The following S100Z variants were observed in gnomAD, a reference collection of about 807,000 sequenced individuals.
The protein encoded by S100Z is protein S100-Z.
S100Z carries 11 observed loss-of-function variants against 8.5 expected under a neutral mutation model. The observed-to-expected ratio is 1.30, with a 90% confidence interval of 0.82 to 2.15. The LOEUF (loss-of-function observed/expected upper bound fraction) is 2.15, where lower values mean the gene tolerates loss of function less well. Among genes scored for constraint, S100Z ranks in the 30% most tolerant of loss-of-function variants. The pLI is 0.00. For synonymous variants in S100Z, 34 were observed against 43.8 expected (o/e 0.78, Z 0.89); for missense variants, 126 against 117.9 (o/e 1.07, Z -0.32).
At chr5:76,903,481 G>A (rs1244380044) in intron 4 of S100Z, among the ~76,000 whole-genome samples, 1 of 151,954 alleles carries the variant, frequency 6.6e-6, no homozygotes, top group African/African-American at 2.4e-5. Flanking sequence ...GGTTGTTTCT[G>A]GTTTTGGTTG....
At chr5:76,865,630 GAA>G (rs1751247754) in intron 1 of S100Z, among the ~76,000 whole-genome samples, 1 of 151,708 alleles carries the variant, frequency 6.6e-6, no homozygotes, top group Non-Finnish European at 1.5e-5. Context: ...AAAATATAAA[GAA>G]AAAATTGTAC....
At chr5:76,911,396 G>A (rs1338437545) in intron 4 of S100Z, among the ~76,000 whole-genome samples, 3 of 152,124 alleles carry the variant, frequency 2.0e-5, no homozygotes, top group Non-Finnish European at 4.4e-5. Flanking sequence ...CCAAACACCA[G>A]AGGAAGCAGA....
chr5:76,907,019 T>TATATATAC (rs1744477596), intron 4 of S100Z, among the ~76,000 whole-genome samples: 6 of 76,254 alleles, frequency 7.9e-5, no homozygotes, highest in African/African-American at 5.1e-4. Flanking sequence ...TATATATATA[T>TATATATAC]ATATACATAT....
At chr5:76,884,378 A>G (rs1743524263) in intron 4 of S100Z, among the ~76,000 whole-genome samples, 1 of 152,096 alleles carries the variant, frequency 6.6e-6, no homozygotes, top group Non-Finnish European at 1.5e-5. Flanking sequence ...AACTGCTCTA[A>G]TGCCTTCCTG....
At chr5:76,884,368 A>T (rs1743523994) in intron 4 of S100Z, among the ~76,000 whole-genome samples, 1 of 152,138 alleles carries the variant, frequency 6.6e-6, no homozygotes, top group Non-Finnish European at 1.5e-5. Context: ...CTTCTCGGGG[A>T]ACTGCTCTAA....
the S100Z span, among the ~76,000 whole-genome samples, chr5:76,941,508 C>T: frequency 6.6e-6 from 1 of 152,196 alleles, no homozygotes; most frequent in Non-Finnish European, 1.5e-5. Context: ...GAGGCCTCCC[C>T]AGCCATGTAA....
intron 1 of S100Z, among the ~76,000 whole-genome samples, chr5:76,865,185 T>C (rs1267423161): frequency 6.6e-6 from 1 of 151,432 alleles, no homozygotes; most frequent in Non-Finnish European, 1.5e-5. Context: ...AACACAGCAA[T>C]GATGATTCTG....
At chr5:76,896,888 G>GT (rs893783078) in intron 4 of S100Z, among the ~76,000 whole-genome samples, 7 of 151,776 alleles carry the variant, frequency 4.6e-5, no homozygotes, top group East Asian at 1.9e-4. Context: ...GGATTATTAG[G>GT]TTTTTTTTCC....
rs1226287533 is a variant in S100Z, at chr5:76,884,050, G to A, written c.*2+6216G>A. Among the ~76,000 whole-genome samples the A allele has an allele frequency of 2.6e-5, 4 of 152,274 alleles. No individual in the cohort carries two copies. In the East Asian group the frequency reaches 5.8e-4, roughly 22 times the overall value. ...GAGGTTAATTAAGTCCTGTTGTGGG[G>A]TTCGAGGGCCGAATTTAATTTTTGG... On this transcript the variant is annotated intron_variant, in intron 4 of 4. Coordinates refer to ENST00000317593, the MANE Select transcript of S100Z (RefSeq NM_130772.4).
intron 4 of S100Z, among the ~76,000 whole-genome samples, chr5:76,919,482 C>A (rs561015551): frequency 1.3e-5 from 2 of 151,944 alleles, no homozygotes; most frequent in Non-Finnish European, 2.9e-5. Context: ...ATCTTTGTAT[C>A]TTCTTTGGTG....
intron 1 of S100Z, among the ~76,000 whole-genome samples, chr5:76,861,684 G>A (rs2359423): frequency 0.51 from 77,654 of 152,016 alleles, 20,702 homozygotes; most frequent in South Asian, 0.69. Flanking sequence ...GTCACTCACA[G>A]TTTCCCACTG....
intron 4 of S100Z, among the ~76,000 whole-genome samples, chr5:76,890,525 C>G (rs1743819808): frequency 6.6e-6 from 1 of 152,072 alleles, no homozygotes; most frequent in South Asian, 2.1e-4. Flanking sequence ...TGACGTGCAC[C>G]TAAAGTCCCA....
At chr5:76,945,190 T>C in the S100Z span, among the ~76,000 whole-genome samples, 1 of 152,168 alleles carries the variant, frequency 6.6e-6, no homozygotes, top group Admixed American at 6.5e-5. Flanking sequence ...TTACAGGCAG[T>C]ATGTTTGGTA....
intron 4 of S100Z, among the ~76,000 whole-genome samples, chr5:76,900,054 C>T (rs1744177114): frequency 6.6e-6 from 1 of 152,148 alleles, no homozygotes; most frequent in South Asian, 2.1e-4. Context: ...TTAAATATGG[C>T]ATGCCATTCT....
At chr5:76,949,892 T>C in the S100Z span, among the ~76,000 whole-genome samples, 1 of 152,238 alleles carries the variant, frequency 6.6e-6, no homozygotes, top group Non-Finnish European at 1.5e-5. Flanking sequence ...TGTACAACGT[T>C]GTGCCTATAG....
At chr5:76,930,520 G>A in the S100Z span, among the ~76,000 whole-genome samples, 13 of 152,232 alleles carry the variant, frequency 8.5e-5, no homozygotes, top group Non-Finnish European at 1.8e-4. Context: ...GGACCACAAA[G>A]CCTAAGGTTT....
chr5:76,885,915 G>T (rs369096720), intron 4 of S100Z, among the ~76,000 whole-genome samples: 104 of 149,560 alleles, frequency 7.0e-4, no homozygotes, highest in African/African-American at 2.4e-3. Flanking sequence ...GAGAAGGAGT[G>T]GGGGGTGCTT....
At chr5:76,939,150 AT>A in the S100Z span, among the ~76,000 whole-genome samples, 106,558 of 145,798 alleles carry the variant, frequency 0.73, 39,144 homozygotes, top group East Asian at 0.92. Flanking sequence ...GGGGCTGCAA[AT>A]TTTTTTTTTT....
At chr5:76,857,967 G>A (rs1750931769) in intron 1 of S100Z, among the ~76,000 whole-genome samples, 1 of 152,188 alleles carries the variant, frequency 6.6e-6, no homozygotes, top group Non-Finnish European at 1.5e-5. Flanking sequence ...AACTTAAAAA[G>A]TGGCTTCTGG....
Sources: allele counts gnomAD v4.1 joint callset (sites outside exome capture counted in the v4.1 genomes callset), GRCh38; gene constraint gnomAD v4.1.1; transcripts MANE v1.5; gene names NCBI Gene and HGNC (gene_info 2026-07-23, HGNC 2026-07-21).